The following MGAT4A variants were observed in gnomAD, a reference collection of about 807,000 sequenced individuals.
MGAT4A encodes the protein alpha-1,3-mannosyl-glycoprotein 4-beta-N-acetylglucosaminyltransferase A.
A neutral mutation model predicts 74.1 loss-of-function variants in MGAT4A; 33 were observed. The observed-to-expected ratio is 0.45, with a 90% confidence interval of 0.34 to 0.60. The LOEUF is 0.60. MGAT4A is among the 20% of genes least tolerant of loss of function. The probability of loss-of-function intolerance (pLI) is 0.02; values close to 1 mark genes in which losing one functional copy is unlikely to be tolerated. For missense variants in MGAT4A, 479 were observed against 628.3 expected (o/e 0.76, Z 2.54); for synonymous variants, 198 against 210.4 (o/e 0.94, Z 0.51).
rs763128241 is a variant in MGAT4A, at chr2:98,635,260, G to A, written c.1430C>T (p.Thr477Ile). The A allele has an allele frequency of 1.2e-6, 2 of 1,608,674 alleles. No homozygotes were observed. Among genetic ancestry groups the A allele is most frequent in the Non-Finnish European group, 8.5e-7 (1 of 1,177,222 alleles). The change falls in exon 14 of 16, where the codon ACC becomes ATC. Residue 477 changes from threonine (T) to isoleucine (I), a missense_variant. Thr to Ile is a moderately conservative substitution (Grantham distance 89). Around this residue, in one of 3 missense-constraint regions of MGAT4A, gnomAD observed 236 missense variants for 308.2 expected, o/e 0.77. Coordinates refer to ENST00000393487, the MANE Select transcript of MGAT4A (RefSeq NM_012214.3). Reference protein sequence around the residue: ...KSEGLEISKETKDKRLEDGYF... With the variant: ...KSEGLEISKEIKDKRLEDGYF... Reference sequence around the variant, plus strand: ...GCCATCTTCTAATCGTTTGTCTTTGGTTTCTTTGCTTATTTCCAAACCTTC... The same window carrying A: ...GCCATCTTCTAATCGTTTGTCTTTGATTTCTTTGCTTATTTCCAAACCTTC...
Position 98,624,094 on chromosome 2 carries a change from G to A in MGAT4A, c.*1472C>T. 10 of 883,428 alleles carry A rather than the reference G, an allele frequency of 1.1e-5. No homozygotes were observed. The highest frequency in any genetic ancestry group is 1.2e-5 in the Non-Finnish European group (9 of 737,158). 54.7% of individuals were successfully genotyped at this position (883,428 alleles called of 1,614,324 possible). On this transcript the variant is annotated 3_prime_UTR_variant, in exon 16 of 16. Transcript: ENST00000393487. ...GTGGTGCGATCTCAGCTCACTGCCA[G>A]CTCTGCCTCCTGGGTTCACGCCATT...
Position 98,640,240 on chromosome 2 carries a change from A to G in MGAT4A, c.1021-12T>C. 1 of 1,595,568 alleles carries G rather than the reference A, an allele frequency of 6.3e-7. No homozygotes were observed. The highest frequency in any genetic ancestry group is 8.6e-7 in the Non-Finnish European group (1 of 1,168,380). On this transcript the variant is annotated splice_polypyrimidine_tract_variant and intron_variant, in intron 10 of 15. Transcript: ENST00000393487. ...CTATCACAATGTTTCTAAATATTAA[A>G]AAAAATCACGTTAGTGTTGCATCAT...
intron 9 of MGAT4A, among the ~76,000 whole-genome samples, chr2:98,645,014 A>G (rs1336314994): frequency 1.3e-5 from 2 of 152,274 alleles, no homozygotes; most frequent in Non-Finnish European, 2.9e-5. Context: ...CAACTAGTTA[A>G]GAGAAAAACG....
intron 13 of MGAT4A, among the ~76,000 whole-genome samples, chr2:98,636,078 C>T (rs530108340): frequency 2.1e-4 from 32 of 151,826 alleles, no homozygotes; most frequent in Non-Finnish European, 4.4e-4. Flanking sequence ...TTGCAACCTC[C>T]ACCTCCCAGG....
rs138675122 is a variant in MGAT4A at position 98,628,922 on chromosome 2, C to G, written c.1469-3087G>C. Among the ~76,000 whole-genome samples the G allele has an allele frequency of 4.8e-3, 726 of 152,308 alleles. 4 individuals carry two copies. The highest frequency in any genetic ancestry group is 0.024 in the Middle Eastern group (7 of 294). On this transcript the variant is annotated intron_variant, in intron 14 of 15. Coordinates refer to ENST00000393487, the MANE Select transcript of MGAT4A (RefSeq NM_012214.3). ...ATCTCTCCTGCACCTACTCACTCAT[C>G]TTTGCTGTTGGAGAGAAGCACACAC...
intron 8 of MGAT4A, among the ~76,000 whole-genome samples, chr2:98,651,509 C>T (rs1038300376): frequency 6.6e-6 from 1 of 152,074 alleles, no homozygotes; most frequent in African/African-American, 2.4e-5. Context: ...ACTGTTATAA[C>T]TTTAAGATAT....
chr2:98,727,002 G>T (rs1224771808), intron 1 of MGAT4A: 1 of 152,144 alleles, frequency 6.6e-6, no homozygotes, highest in Non-Finnish European at 1.5e-5. Context: ...AAAAGACCTG[G>T]ACCCTTGACC....
Position 98,622,589 on chromosome 2 carries a change from C to T in MGAT4A, c.*2977G>A, listed in dbSNP as rs760895772. The T allele has an allele frequency of 1.1e-5, 11 of 985,280 alleles. No individual in the cohort carries two copies. Among genetic ancestry groups the T allele is most frequent in the South Asian group, 9.4e-5 (2 of 21,284 alleles). 61.0% of individuals were successfully genotyped at this position (985,280 alleles called of 1,614,324 possible). On this transcript the variant is annotated 3_prime_UTR_variant, in exon 16 of 16. Transcript: ENST00000393487. Reference sequence around the variant, plus strand: ...TCTGCCCTCACACTGCTCTTAAGGGCGACCACTACAATTTCCTGCTTGGGG... The same window carrying T: ...TCTGCCCTCACACTGCTCTTAAGGGTGACCACTACAATTTCCTGCTTGGGG...
intron 2 of MGAT4A, among the ~76,000 whole-genome samples, chr2:98,689,887 G>A (rs1417037111): frequency 6.6e-6 from 1 of 152,050 alleles, no homozygotes; most frequent in Non-Finnish European, 1.5e-5. Context: ...AGGCAGAAAG[G>A]GTAGAGTCAC....
chr2:98,703,011 C>T (rs1317544345), intron 2 of MGAT4A, among the ~76,000 whole-genome samples: 12 of 152,180 alleles, frequency 7.9e-5, no homozygotes, highest in Admixed American at 7.9e-4. Flanking sequence ...AACCAGGACT[C>T]ATACTCGGGG....
In MGAT4A at chr2:98,635,209, A is replaced by C; in HGVS notation, c.1468+13T>G. 1 of 1,584,196 alleles carries C rather than the reference A, an allele frequency of 6.3e-7. No individual in the cohort carries two copies. Among genetic ancestry groups the C allele is most frequent in the East Asian group, 2.2e-5 (1 of 44,668 alleles). ...CAGAAAAATAAAGGCCATTTTACTA[A>C]AGTAGATATTACCTATTCTGAAATA... On this transcript the variant is annotated intron_variant, in intron 14 of 15. Coordinates refer to ENST00000393487, the MANE Select transcript of MGAT4A (RefSeq NM_012214.3).
intron 13 of MGAT4A, 68 bp from the exon 14 acceptor site, chr2:98,635,356 C>A: frequency 1.8e-6 from 2 of 1,136,698 alleles, no homozygotes; most frequent in South Asian, 1.5e-5. Context: ...ATTAATATAT[C>A]TTAATATAGA....
chr2:98,621,797 T>C lies in MGAT4A; in HGVS notation c.*3769A>G, dbSNP rs1333069182. ...GACAACCTCTTTTTCATTATTATGA[T>C]AGATTTTTTAAAGGCCTTCATAATT... On this transcript the variant is annotated 3_prime_UTR_variant, in exon 16 of 16. Coordinates refer to ENST00000393487, the MANE Select transcript of MGAT4A (RefSeq NM_012214.3). 4 of 1,087,350 alleles carry C rather than the reference T, an allele frequency of 3.7e-6. No homozygotes were observed. The highest frequency in any genetic ancestry group is 1.2e-4 in the East Asian group (2 of 16,934). The allele number at this position is 1,087,350 out of a possible 1,614,324, so 67.4% of individuals were successfully genotyped here.
chr2:98,718,949 A>G (rs1702628078), intron 2 of MGAT4A, among the ~76,000 whole-genome samples: 1 of 152,148 alleles, frequency 6.6e-6, no homozygotes, highest in Admixed American at 6.5e-5. Context: ...ACCTGTCATT[A>G]TCCTCAGTCC....
At chr2:98,628,736 TCTA>T (rs1020918010) in intron 14 of MGAT4A, among the ~76,000 whole-genome samples, 2 of 152,238 alleles carry the variant, frequency 1.3e-5, no homozygotes, top group Non-Finnish European at 2.9e-5. Flanking sequence ...ATGCTCAAAA[TCTA>T]CTTTTCTTGT....
chr2:98,709,433 G>A (rs1459325131), intron 2 of MGAT4A, among the ~76,000 whole-genome samples: 2 of 152,068 alleles, frequency 1.3e-5, no homozygotes, highest in African/African-American at 4.8e-5. Flanking sequence ...CTATTTTAGG[G>A]AGAATGTTGC....
intron 4 of MGAT4A, among the ~76,000 whole-genome samples, chr2:98,663,678 A>G (rs1052590242): frequency 5.3e-5 from 8 of 152,230 alleles, no homozygotes; most frequent in African/African-American, 1.9e-4. Flanking sequence ...TAAAGTGTCA[A>G]GGTCATGAAA....
intron 8 of MGAT4A, among the ~76,000 whole-genome samples, chr2:98,650,573 G>C (rs1701561595): frequency 6.6e-6 from 1 of 152,182 alleles, no homozygotes; most frequent in African/African-American, 2.4e-5. Context: ...CTAGAAGAGG[G>C]TGGAATGATA....
chr2:98,637,037 T>C (rs1003957164), intron 12 of MGAT4A, among the ~76,000 whole-genome samples: 1 of 152,076 alleles, frequency 6.6e-6, no homozygotes, highest in Non-Finnish European at 1.5e-5. Context: ...AGGCTGGGCG[T>C]GGTGGCTCAC....
Sources: allele counts gnomAD v4.1 joint callset (sites outside exome capture counted in the v4.1 genomes callset), GRCh38; gene constraint gnomAD v4.1.1; regional missense constraint gnomAD v4.1.1; transcripts MANE v1.5; gene names NCBI Gene and HGNC (gene_info 2026-07-23, HGNC 2026-07-21).